NOTCH2: variants seen among roughly 807,000 people sequenced by gnomAD.
NOTCH2 encodes neurogenic locus notch homolog protein 2.
In NOTCH2, 29 loss-of-function variants were observed where a neutral mutation model predicts 235.8. That is an observed-to-expected ratio of 0.12 (90% CI 0.09 to 0.17). NOTCH2 has a LOEUF of 0.17. NOTCH2 is among the 10% of genes least tolerant of loss of function. The pLI is 1.00. For missense variants in NOTCH2, 2,285 were observed against 3,150.2 expected, an observed-to-expected ratio of 0.73 and a Z score of 6.57; for synonymous variants, 1,086 against 1,141.5, an observed-to-expected ratio of 0.95 and a Z score of 0.98.
rs1649201428 is a variant in NOTCH2 at position 119,919,600 on chromosome 1, T to C, written c.5493A>G (p.Pro1831=). 2 of 1,614,090 alleles carry C rather than the reference T, an allele frequency of 1.2e-6. No homozygotes were observed. The highest frequency in any genetic ancestry group is 1.7e-6 in the Non-Finnish European group (2 of 1,180,002). Residue 1831 remains proline, a synonymous_variant, in exon 31 of 34, where the codon CCA becomes CCG. Coordinates refer to ENST00000256646, the MANE Select transcript of NOTCH2 (RefSeq NM_024408.4). ...CTCCTCGGAGAGAAGCCAACATCAA[T>C]GGGGTGCAGCCATCTGTAGGAATGG... ...VNVRGPDGCT[P]LMLASLRGGS...
chr1:119,919,916 CAATT>C (rs1213330220), intron 30 of NOTCH2, among the ~76,000 whole-genome samples: 1 of 152,142 alleles, frequency 6.6e-6, no homozygotes, highest in Non-Finnish European at 1.5e-5. Context: ...ATTAATAGAA[CAATT>C]AATACATGCA....
intron 17 of NOTCH2, among the ~76,000 whole-genome samples, chr1:119,947,245 T>C (rs1256031934): frequency 6.6e-6 from 1 of 152,136 alleles, no homozygotes; most frequent in Non-Finnish European, 1.5e-5. Context: ...AGCTATAAAT[T>C]GGAGGGAAAT....
intron 9 of NOTCH2, 137 bp downstream of exon 9, chr1:119,966,239 A>T: frequency 1.4e-6 from 1 of 735,152 alleles, no homozygotes; most frequent in Non-Finnish European, 2.5e-6. Flanking sequence ...TTCTGTACAC[A>T]CACACTCCTA....
chr1:119,973,903 G>A (rs782666584), intron 5 of NOTCH2, among the ~76,000 whole-genome samples: 1 of 152,126 alleles, frequency 6.6e-6, no homozygotes, highest in East Asian at 1.9e-4. Context: ...GGTTTTAGAA[G>A]AAGAAAAAGT....
intron 1 of NOTCH2, among the ~76,000 whole-genome samples, chr1:120,035,079 TTTTC>T (rs1654255929): frequency 6.6e-6 from 1 of 151,542 alleles, no homozygotes; most frequent in South Asian, 2.1e-4. Context: ...AAGGTTTTTC[TTTTC>T]TTTCTTATAT....
rs372710038 is a variant in NOTCH2, at chr1:119,923,676, C to A, written c.4820G>T (p.Arg1607Leu). 1 of 1,614,138 alleles carries A rather than the reference C, an allele frequency of 6.2e-7. No homozygotes were observed. Among genetic ancestry groups the A allele is most frequent in the Non-Finnish European group, 8.5e-7 (1 of 1,180,022 alleles). Residue 1607 changes from arginine to leucine, a missense_variant, in exon 26 of 34, where the codon CGC becomes CTC. Physicochemically the swap from Arg to Leu is moderately radical, Grantham distance 102 (BLOSUM62 -2). Around this residue, in one of 6 missense-constraint regions of NOTCH2, gnomAD observed 1,173 missense variants for 1,515.3 expected, o/e 0.77. Coordinates refer to ENST00000256646, the MANE Select transcript of NOTCH2 (RefSeq NM_024408.4). ...SAAMKKQRMT[R>L]RSLPGEQEQE... ...TTCTTGTTCACCAGGAAGGGATCTG[C>A]GTGTCATCCTCTGTTTCTTCATAGC...
At chr1:119,999,857 AGAGT>A (rs1484075978) in intron 3 of NOTCH2, among the ~76,000 whole-genome samples, 1 of 150,508 alleles carries the variant, frequency 6.6e-6, no homozygotes, top group Non-Finnish European at 1.5e-5. Flanking sequence ...ACTAAGCAAC[AGAGT>A]GAGAAGAAAG....
chr1:120,023,465 C>T (rs1207025808), intron 2 of NOTCH2, among the ~76,000 whole-genome samples: 8 of 135,814 alleles, frequency 5.9e-5, no homozygotes, highest in African/African-American at 1.2e-4. Flanking sequence ...AAAACTATGT[C>T]CTCTTCATGT....
intron 1 of NOTCH2, among the ~76,000 whole-genome samples, chr1:120,065,615 C>T (rs1407832296): frequency 3.3e-5 from 5 of 152,126 alleles, no homozygotes; most frequent in African/African-American, 1.2e-4. Context: ...AGTGGCTCTC[C>T]TACAAGGTCA....
chr1:119,940,576 G>A lies in NOTCH2; in HGVS notation c.3162C>T (p.Gly1054=), dbSNP rs782010584. 9 of 1,613,850 alleles carry A rather than the reference G, an allele frequency of 5.6e-6. No homozygotes were observed. In the Admixed American group the frequency reaches 1.0e-4, roughly 18 times the overall value. ...LGTYRCSCPL[G]YTGKNCQTLV... ...TTACCTGACAGTTTTTCCCAGTGTA[G>A]CCCAGGGGGCAGCTGCAGCGGTAGG... Residue 1054 remains glycine, a synonymous_variant, in exon 19 of 34, where the codon GGC becomes GGT. Transcript: ENST00000256646.
intron 28 of NOTCH2, 74 bp downstream of exon 28, chr1:119,922,162 G>C (rs1029887378): frequency 5.4e-6 from 8 of 1,471,996 alleles, no homozygotes; most frequent in Non-Finnish European, 7.6e-6. Flanking sequence ...TTAAAATCAT[G>C]ATTCAACAAG....
chr1:119,953,204 G>C (rs1553197992), intron 14 of NOTCH2, among the ~76,000 whole-genome samples: 1 of 152,100 alleles, frequency 6.6e-6, no homozygotes, highest in African/African-American at 2.4e-5. Flanking sequence ...CCAACTACTA[G>C]GGAGGCTGAG....
chr1:119,916,728 A>G (rs369825998), intron 33 of NOTCH2, 34 bp from the exon 34 acceptor site: 2 of 1,607,306 alleles, frequency 1.2e-6, no homozygotes, highest in African/African-American at 2.7e-5. Flanking sequence ...ACACATGTTA[A>G]TAACACTCTT....
At chr1:119,996,790 T>G (rs1163470769) in intron 4 of NOTCH2, 1 of 823,826 alleles carries the variant, frequency 1.2e-6, no homozygotes, top group Non-Finnish European at 2.2e-6. Context: ...CTCATCATCA[T>G]AAACCCTGAC....
Position 119,922,372 on chromosome 1 carries a change from T to C in NOTCH2, c.5077A>G (p.Ile1693Val), listed in dbSNP as rs985942358. 6.2e-7 allele frequency: 1 copy of C among 1,614,010 alleles called. No homozygotes were observed. The highest frequency in any genetic ancestry group is 8.5e-7 in the Non-Finnish European group (1 of 1,179,992). The change falls in exon 28 of 34, where the codon ATT (isoleucine) becomes GTT (valine). Residue 1693 changes from isoleucine (I) to valine (V), a missense_variant. By Grantham distance (29) the Ile-to-Val change is conservative. Transcript: ENST00000256646. ...AVAVVIILFI[I>V]LLGVIMAKRK... ...TTTGCCATGATTACCCCCAGCAGAA[T>C]AATAAACAGAATGATGACAACAGCA... is the stretch of plus-strand genomic sequence containing the variant.
chr1:119,969,913 AATG>A (rs1651293609), intron 5 of NOTCH2, among the ~76,000 whole-genome samples, 169 bp from the exon 6 acceptor site: 1 of 152,134 alleles, frequency 6.6e-6, no homozygotes, highest in African/African-American at 2.4e-5. Flanking sequence ...GAGCCATCTA[AATG>A]ATATTTTTTC....
Position 119,912,830 on chromosome 1 carries a change from G to C in NOTCH2, c.*2476C>G. 1 of 233,574 alleles carries C rather than the reference G, an allele frequency of 4.3e-6. No homozygotes were observed. The highest frequency in any genetic ancestry group is 8.5e-6 in the Non-Finnish European group (1 of 117,978). The allele number at this position is 233,574 out of a possible 1,614,324, so 14.5% of individuals were successfully genotyped here. ...AATCTAAGAGATCAGTAAAAAGTTT[G>C]AAAGGCAGTGTTGTCCTCCTCATCA... On this transcript the variant is annotated 3_prime_UTR_variant, in exon 34 of 34. Transcript: ENST00000256646.
chr1:119,938,477 A>G (rs782797550), intron 19 of NOTCH2, among the ~76,000 whole-genome samples: 2 of 152,230 alleles, frequency 1.3e-5, no homozygotes, highest in South Asian at 4.1e-4. Flanking sequence ...GAGTAATAGC[A>G]GTCCTAGTGG....
At chr1:120,046,072 T>C (rs1335032237) in intron 1 of NOTCH2, among the ~76,000 whole-genome samples, 2 of 150,554 alleles carry the variant, frequency 1.3e-5, no homozygotes, top group African/African-American at 2.5e-5. Flanking sequence ...AAAATGTTTT[T>C]CTTGGGGTAT....
Sources: allele counts gnomAD v4.1 joint callset (sites outside exome capture counted in the v4.1 genomes callset), GRCh38; gene constraint gnomAD v4.1.1; regional missense constraint gnomAD v4.1.1; transcripts MANE v1.5; gene names NCBI Gene and HGNC (gene_info 2026-07-23, HGNC 2026-07-21).